Variants in ZNF536 observed in about 807,000 individuals in gnomAD.
ZNF536 encodes the protein zinc finger protein 536.
Under a neutral mutation model 84.5 loss-of-function variants are expected in ZNF536, and 13 were observed. That is an observed-to-expected ratio of 0.15 (90% CI 0.10 to 0.24). The LOEUF (loss-of-function observed/expected upper bound fraction) is 0.24, where lower values mean the gene tolerates loss of function less well. ZNF536 is among the 10% of genes least tolerant of loss of function. The pLI is 1.00. For missense variants in ZNF536, 1,536 were observed against 1,747.5 expected (o/e 0.88, Z 2.16); for synonymous variants, 811 against 742.5 (o/e 1.09, Z -1.50).
At chr19:30,669,935 A>G (rs1212388226) in intron 1 of ZNF536, among the ~76,000 whole-genome samples, 1 of 152,158 alleles carries the variant, frequency 6.6e-6, no homozygotes, top group Non-Finnish European at 1.5e-5. Flanking sequence ...TCCTGCTTCT[A>G]CAGGAGGGAA....
chr19:30,711,372 T>C (rs2052449159), exon 2 of ZNF536: 1 of 152,170 alleles, frequency 6.6e-6, no homozygotes, highest in Non-Finnish European at 1.5e-5. Context: ...CTAAACGATT[T>C]AGTGTTGCGT....
chr19:30,379,537 G>T (rs776504014), intron 1 of ZNF536, among the ~76,000 whole-genome samples: 4 of 151,524 alleles, frequency 2.6e-5, no homozygotes, highest in African/African-American at 9.7e-5. Context: ...TATCATCGTT[G>T]CCAGGAGATC....
intron 1 of ZNF536, among the ~76,000 whole-genome samples, chr19:30,417,755 G>A (rs1203976631): frequency 6.6e-6 from 1 of 152,034 alleles, no homozygotes; most frequent in African/African-American, 2.4e-5. Flanking sequence ...CATGTTTTGG[G>A]GGTCGGAATT....
intron 1 of ZNF536, among the ~76,000 whole-genome samples, chr19:30,433,828 T>C (rs1384442085): frequency 6.6e-6 from 1 of 152,232 alleles, no homozygotes; most frequent in Non-Finnish European, 1.5e-5. Context: ...CACCTTTACA[T>C]GCCTTGGTCA....
chr19:30,545,720 A>G (rs750283652), intron 3 of ZNF536, among the ~76,000 whole-genome samples: 26 of 152,006 alleles, frequency 1.7e-4, no homozygotes, highest in Non-Finnish European at 3.2e-4. Context: ...TCAAACATGT[A>G]TCCATTGGAA....
chr19:30,557,057 C>A, intron 4 of ZNF536, 100 bp from the exon 5 acceptor site: 1 of 1,270,032 alleles, frequency 7.9e-7, no homozygotes, highest in African/African-American at 1.5e-5. Flanking sequence ...TGTCATTATT[C>A]CATTAAACGA....
intron 2 of ZNF536, among the ~76,000 whole-genome samples, chr19:30,496,308 C>T (rs2042726391): frequency 2.0e-5 from 3 of 152,308 alleles, no homozygotes; most frequent in Middle Eastern, 3.4e-3. Flanking sequence ...AACACTCAGC[C>T]GGATTGCCAG....
intron 1 of ZNF536, among the ~76,000 whole-genome samples, chr19:30,567,511 G>C (rs908090214): frequency 7.9e-5 from 12 of 152,092 alleles, no homozygotes; most frequent in African/African-American, 2.9e-4. Context: ...TCATTTTCCA[G>C]CCTCAGGGAA....
intron 2 of ZNF536, among the ~76,000 whole-genome samples, chr19:30,466,784 G>A (rs2053430576): frequency 1.5e-5 from 2 of 132,838 alleles, no homozygotes; most frequent in African/African-American, 2.9e-5. Flanking sequence ...AAGGAAGGAA[G>A]GAAGGAAGGA....
intron 2 of ZNF536, among the ~76,000 whole-genome samples, chr19:30,454,182 C>G (rs1480164819): frequency 1.3e-5 from 2 of 152,266 alleles, no homozygotes; most frequent in East Asian, 3.8e-4. Flanking sequence ...ACGGAGAAAT[C>G]AGTCCTTTCC....
At chr19:30,649,974 C>T (rs1017406450) in intron 1 of ZNF536, among the ~76,000 whole-genome samples, 5 of 151,272 alleles carry the variant, frequency 3.3e-5, no homozygotes, top group Non-Finnish European at 7.4e-5. Flanking sequence ...CAAAATGATA[C>T]GGGTAAGTGA....
chr19:30,646,717 A>G (rs1306434537), intron 1 of ZNF536, among the ~76,000 whole-genome samples: 1 of 152,190 alleles, frequency 6.6e-6, no homozygotes, highest in Admixed American at 6.5e-5. Flanking sequence ...AGGGATGGTC[A>G]TGTATTCATC....
At chr19:30,597,423 C>T (rs1236814463) in intron 1 of ZNF536, among the ~76,000 whole-genome samples, 2 of 152,194 alleles carry the variant, frequency 1.3e-5, no homozygotes, top group African/African-American at 2.4e-5. Context: ...AGGGTTAGCC[C>T]GAGAAGTGAA....
intron 1 of ZNF536, among the ~76,000 whole-genome samples, chr19:30,628,262 G>C (rs74787127): frequency 6.6e-6 from 1 of 152,258 alleles, no homozygotes; most frequent in South Asian, 2.1e-4. Flanking sequence ...AGTCACAGCC[G>C]CCTGCTACGA....
At chr19:30,530,937 A>G (rs2044785377) in intron 2 of ZNF536, among the ~76,000 whole-genome samples, 1 of 152,228 alleles carries the variant, frequency 6.6e-6, no homozygotes, top group African/African-American at 2.4e-5. Flanking sequence ...ATCCTGGCAC[A>G]GGCTGGGGCT....
Position 30,410,465 on chromosome 19 carries a change from C to CTTTTTTTTTTTTT in ZNF536, c.-2-33081_-2-33069dup, listed in dbSNP as rs201561646. Among the ~76,000 whole-genome samples the CTTTTTTTTTTTTT allele has an allele frequency of 1.5e-4, 18 of 122,618 alleles. 6 individuals are homozygous for CTTTTTTTTTTTTT. The highest frequency in any genetic ancestry group is 7.2e-4 in the African/African-American group (18 of 24,970). The allele number at this position is 122,618 out of a possible 152,430, so 80.4% of individuals were successfully genotyped here. On this transcript the variant is annotated intron_variant, in intron 1 of 4. Transcript: ENST00000355537. ...TAAATAAACAATGAAAAGTGAAGGT[C>CTTTTTTTTTTTTT]TTTTTTTTTTTTTTTTTTTTTTTTT...
chr19:30,395,012 T>C (rs35781831), intron 1 of ZNF536, among the ~76,000 whole-genome samples: 60,156 of 152,018 alleles, frequency 0.4, 12,357 homozygotes, highest in Middle Eastern at 0.55. Flanking sequence ...ATAAATGTAA[T>C]GTGTATTCAG....
intron 1 of ZNF536, among the ~76,000 whole-genome samples, chr19:30,700,049 C>T (rs1229102282): frequency 1.7e-5 from 2 of 120,686 alleles, no homozygotes; most frequent in African/African-American, 2.6e-5. Context: ...CTTTCTTTCT[C>T]TCCCTCCCTC....
chr19:30,446,173 CGGGAGG>C (rs1217408317), intron 2 of ZNF536, among the ~76,000 whole-genome samples: 48 of 125,234 alleles, frequency 3.8e-4, no homozygotes, highest in Non-Finnish European at 1.9e-4. Flanking sequence ...CGCTTGAGCC[CGGGAGG>C]GGGAGGCTGC....
Sources: gnomAD v4.1 joint callset for allele counts (sites outside exome capture counted in the v4.1 genomes callset) on GRCh38, gnomAD v4.1.1 for gene constraint, MANE v1.5 for transcripts, NCBI Gene and HGNC (gene_info 2026-07-23, HGNC 2026-07-21) for gene names.